The following CADM2 variants were observed in gnomAD, a reference collection of about 807,000 sequenced individuals.
CADM2 encodes immunoglobulin superfamily member 4D.
In CADM2, 12 loss-of-function variants were observed where a neutral mutation model predicts 49.8. The observed-to-expected ratio is 0.24, with a 90% confidence interval of 0.15 to 0.39. The LOEUF is 0.39. Ranked by LOEUF, CADM2 falls within the 10% of genes least tolerant of loss-of-function variation. The probability of loss-of-function intolerance (pLI) is 1.00; values close to 1 mark genes in which losing one functional copy is unlikely to be tolerated. For synonymous variants in CADM2, 214 were observed against 175.4 expected (o/e 1.22, Z -1.74); for missense variants, 378 against 492.3 (o/e 0.77, Z 2.20).
At chr3:86,017,978 T>A (rs1732530721) in intron 8 of CADM2, among the ~76,000 whole-genome samples, 1 of 137,494 alleles carries the variant, frequency 7.3e-6, no homozygotes, top group Non-Finnish European at 1.6e-5. Flanking sequence ...CTGCACCCAC[T>A]AACTCGTCAT....
chr3:85,239,551 A>T (rs2042483193), intron 1 of CADM2, among the ~76,000 whole-genome samples: 1 of 151,686 alleles, frequency 6.6e-6, no homozygotes, highest in Admixed American at 6.6e-5. Flanking sequence ...AATCTACATC[A>T]AATGCAGAAA....
chr3:85,933,447 C>T (rs767715380), intron 6 of CADM2, among the ~76,000 whole-genome samples: 1 of 152,114 alleles, frequency 6.6e-6, no homozygotes, highest in Non-Finnish European at 1.5e-5. Flanking sequence ...CTTCTCAAGG[C>T]TTCCTGAGAT....
At chr3:85,188,126 T>C (rs1202976335) in intron 1 of CADM2, among the ~76,000 whole-genome samples, 2 of 152,116 alleles carry the variant, frequency 1.3e-5, no homozygotes, top group Non-Finnish European at 2.9e-5. Flanking sequence ...TAATTGCTAA[T>C]TGTAATTTTC....
intron 1 of CADM2, among the ~76,000 whole-genome samples, chr3:85,243,069 T>G (rs545835772): frequency 2.0e-5 from 3 of 151,818 alleles, no homozygotes; most frequent in Non-Finnish European, 3.0e-5. Flanking sequence ...GAAAGAAGAA[T>G]AGATGTGCAC....
intron 8 of CADM2, chr3:86,013,150 G>T: frequency 1.5e-6 from 2 of 1,347,532 alleles, no homozygotes; most frequent in South Asian, 2.4e-5. Context: ...CACAGAAAAC[G>T]AATAAAAGAA....
At position 86,049,277 on chromosome 3, in the gene CADM2, T is replaced by TA. The variant is rs1360407480; in HGVS notation, c.971-16328_971-16327insA. ...TATTTTATTTTATTTTATTTTTATT[T>TA]TTTATTTTTTTTTTTGAGACAGAGT... On this transcript the variant is annotated intron_variant, in intron 8 of 9. Transcript: ENST00000383699. Among the ~76,000 whole-genome samples the TA allele has an allele frequency of 1.4e-4, 21 of 148,508 alleles. No homozygotes were observed. The East Asian group carries it at 3.5e-3, about 25-fold the overall frequency.
intron 1 of CADM2, among the ~76,000 whole-genome samples, chr3:85,317,509 C>T (rs72921368): frequency 0.097 from 14,720 of 152,182 alleles, 1,494 homozygotes; most frequent in African/African-American, 0.26. Context: ...ATTATTTTCT[C>T]ATGGTTATGG....
intron 3 of CADM2, among the ~76,000 whole-genome samples, chr3:85,832,198 T>C (rs1006265678): frequency 6.6e-6 from 1 of 151,720 alleles, no homozygotes; most frequent in African/African-American, 2.4e-5. Context: ...TGTGTCTGTT[T>C]TTGCTGTTTT....
intron 1 of CADM2, among the ~76,000 whole-genome samples, chr3:85,529,666 G>A (rs2061251188): frequency 6.6e-6 from 1 of 151,906 alleles, no homozygotes; most frequent in South Asian, 2.1e-4. Flanking sequence ...CACCACTGAA[G>A]CATCATGTGG....
At chr3:85,935,552 G>C (rs1374089822) in intron 6 of CADM2, among the ~76,000 whole-genome samples, 1 of 151,950 alleles carries the variant, frequency 6.6e-6, no homozygotes, top group East Asian at 1.9e-4. Context: ...GTGGTGCTCA[G>C]GAGATATTTA....
At chr3:84,984,825 A>G (rs2032454773) in intron 1 of CADM2, among the ~76,000 whole-genome samples, 1 of 152,186 alleles carries the variant, frequency 6.6e-6, no homozygotes, top group South Asian at 2.1e-4. Context: ...ACATCTTAAT[A>G]TCACTTTAAG....
At chr3:85,196,996 A>G (rs1256860258) in intron 1 of CADM2, among the ~76,000 whole-genome samples, 1 of 151,964 alleles carries the variant, frequency 6.6e-6, no homozygotes, top group African/African-American at 2.4e-5. Flanking sequence ...TTTATTATAG[A>G]AGGAAATCTT....
chr3:85,858,932 C>T (rs931403557), intron 3 of CADM2, among the ~76,000 whole-genome samples: 3 of 152,114 alleles, frequency 2.0e-5, no homozygotes, highest in Non-Finnish European at 4.4e-5. Context: ...ATGGATGCTC[C>T]TGAGATCCCA....
chr3:85,636,190 A>C (rs2064470983), intron 1 of CADM2, among the ~76,000 whole-genome samples: 2 of 152,196 alleles, frequency 1.3e-5, no homozygotes, highest in African/African-American at 4.8e-5. Flanking sequence ...AGGAGATGAC[A>C]GCTCTATGAA....
intron 1 of CADM2, among the ~76,000 whole-genome samples, chr3:85,284,615 G>A (rs989344652): frequency 6.6e-6 from 1 of 152,194 alleles, no homozygotes; most frequent in South Asian, 2.1e-4. Flanking sequence ...TCCCAGCTGA[G>A]GAAATAGCAA....
chr3:85,567,399 C>T (rs891818778), intron 1 of CADM2, among the ~76,000 whole-genome samples: 2 of 152,090 alleles, frequency 1.3e-5, no homozygotes, highest in South Asian at 2.1e-4. Context: ...GTGTTGCATG[C>T]ATTTTGATAC....
At chr3:85,195,611 C>T (rs2041325925) in intron 1 of CADM2, among the ~76,000 whole-genome samples, 2 of 151,642 alleles carry the variant, frequency 1.3e-5, no homozygotes, top group Non-Finnish European at 2.9e-5. Flanking sequence ...AGTAGAGCCA[C>T]AATATCTAGT....
chr3:85,928,445 C>A (rs1395932973), intron 6 of CADM2, among the ~76,000 whole-genome samples: 2 of 152,082 alleles, frequency 1.3e-5, no homozygotes, highest in Admixed American at 6.5e-5. Flanking sequence ...GCGTGAGCCA[C>A]CACGCCCAGT....
intron 1 of CADM2, among the ~76,000 whole-genome samples, chr3:85,490,848 T>TAA (rs879568855): frequency 1.4e-5 from 2 of 139,380 alleles, no homozygotes; most frequent in South Asian, 2.2e-4. Context: ...GTTCTGAGAG[T>TAA]AAAAAAAAAA....
Sources: allele counts gnomAD v4.1 joint callset (sites outside exome capture counted in the v4.1 genomes callset), GRCh38; gene constraint gnomAD v4.1.1; transcripts MANE v1.5; gene names NCBI Gene and HGNC (gene_info 2026-07-23, HGNC 2026-07-21).